AKAP13: variants seen among roughly 807,000 people sequenced by gnomAD.
AKAP13 encodes the protein A-kinase anchoring protein 13.
A neutral mutation model predicts 264.5 loss-of-function variants in AKAP13; 80 were observed. The observed-to-expected ratio is 0.30, with a 90% CI of 0.25 to 0.36. The LOEUF is 0.36. Ranked by LOEUF, AKAP13 falls within the 10% of genes least tolerant of loss-of-function variation. AKAP13 has a pLI of 1.00. For synonymous variants in AKAP13, 1,380 were observed against 1,250.2 expected (o/e 1.10, Z -2.19); for missense variants, 3,712 against 3,435.2 (o/e 1.08, Z -2.01).
chr15:85,715,793 C>G lies in AKAP13; in HGVS notation c.5605C>G (p.Gln1869Glu), dbSNP rs1321136262. ...TTAGTGTCCTCCTTTTGCAGCCTCA[C>G]AGCCCAAGGAGCGTCCTCGGTCCGC... ...PTVIMRNKPSQPKERPRSAVL... is the reference protein window; with the variant it reads ...PTVIMRNKPSEPKERPRSAVL... Residue 1869 changes from glutamine to glutamate, a missense_variant, in exon 20 of 37, where the codon CAG becomes GAG. By Grantham distance (29) the Gln-to-Glu change is conservative. Transcript: ENST00000394518. The G allele has an allele frequency of 6.2e-7, 1 of 1,609,162 alleles. No homozygotes were observed. Among genetic ancestry groups the G allele is most frequent in the East Asian group, 2.2e-5 (1 of 44,562 alleles).
At chr15:85,673,837 C>T (rs1441678584) in intron 14 of AKAP13, among the ~76,000 whole-genome samples, 2 of 144,788 alleles carry the variant, frequency 1.4e-5, no homozygotes, top group African/African-American at 5.2e-5. Flanking sequence ...AGGTGCCCGC[C>T]ACCACACCCG....
rs1352946509 is a variant in AKAP13 at position 85,645,841 on chromosome 15, G to C, written c.4261G>C (p.Gly1421Arg). ...SPECENFLDV[G>R]LGRECTSKQG... is the part of the protein sequence containing the mutation. ...AGAATGTGAGAACTTCCTGGATGTT[G>C]GACTGGGCAGAGAGTGTACCTCAAA... Residue 1421 changes from glycine to arginine, a missense_variant, in exon 10 of 37, where the codon GGA becomes CGA. Physicochemically the swap from Gly to Arg is moderately radical, Grantham distance 125 (BLOSUM62 -2). This residue lies in a region of AKAP13 where 2,759 missense variants were observed against 2,411.7 expected (regional missense o/e 1.14). Transcript: ENST00000394518. 2 of 1,599,872 alleles carry C rather than the reference G, an allele frequency of 1.3e-6. No individual in the cohort carries two copies. Among genetic ancestry groups the C allele is most frequent in the Non-Finnish European group, 8.5e-7 (1 of 1,172,540 alleles).
At chr15:85,686,027 T>C (rs2084891201) in intron 16 of AKAP13, among the ~76,000 whole-genome samples, 1 of 152,148 alleles carries the variant, frequency 6.6e-6, no homozygotes, top group South Asian at 2.1e-4. Context: ...TTCAAGTCCG[T>C]GGGGAAAAAC....
intron 8 of AKAP13, among the ~76,000 whole-genome samples, chr15:85,631,498 TCTCTCACACACACACACA>T (rs1159281262): frequency 6.0e-5 from 4 of 66,586 alleles, no homozygotes; most frequent in African/African-American, 1.9e-4. Flanking sequence ...TCTCTCTCTC[TCTCTCACACACACACACA>T]CACACACACA....
At chr15:85,554,214 C>T (rs1177212919) in intron 5 of AKAP13, among the ~76,000 whole-genome samples, 1 of 152,100 alleles carries the variant, frequency 6.6e-6, no homozygotes, top group Non-Finnish European at 1.5e-5. Flanking sequence ...TTTAACATCT[C>T]TTATAGGCCT....
intron 1 of AKAP13, among the ~76,000 whole-genome samples, chr15:85,468,988 C>T (rs201564006): frequency 8.0e-6 from 1 of 125,496 alleles, no homozygotes; most frequent in South Asian, 2.4e-4. Flanking sequence ...GATCTCAGCT[C>T]ACTGCAGCCT....
At position 85,491,517 on chromosome 15, in the gene AKAP13, T is replaced by TATATTATATATTAC. The variant is rs1367550670; in HGVS notation, c.33+5768_33+5769insTATATATTACATAT. Among the ~76,000 whole-genome samples the TATATTATATATTAC allele has an allele frequency of 3.4e-5, 3 of 87,180 alleles. No individual in the cohort carries two copies. The East Asian group carries it at 6.6e-4, about 19-fold the overall frequency. 57.2% of individuals were successfully genotyped at this position (87,180 alleles called of 152,430 possible). A position where few individuals can be genotyped will look rare whatever the true frequency, so the allele number is the denominator to read the frequency against. On this transcript the variant is annotated intron_variant, in intron 2 of 36. Coordinates refer to ENST00000394518, the MANE Select transcript of AKAP13 (RefSeq NM_007200.5). ...TATATTTATTATATATTATATATTATATATATTATATATTTTATATATAAT... is the reference window on the plus strand; with the variant it reads ...TATATTTATTATATATTATATATTATATATTATATATTACATATATTATATATTTTATATATAAT...
intron 8 of AKAP13, among the ~76,000 whole-genome samples, chr15:85,598,188 C>T (rs1489530997): frequency 6.6e-6 from 1 of 152,106 alleles, no homozygotes; most frequent in African/African-American, 2.4e-5. Flanking sequence ...GGTTTGGACT[C>T]CCCCTGCCAT....
At chr15:85,380,911 G>T (rs2083383795) in intron 1 of AKAP13, 113 bp downstream of exon 1, 1 of 152,186 alleles carries the variant, frequency 6.6e-6, no homozygotes, top group African/African-American at 2.4e-5. Context: ...CCCGGAGGAG[G>T]GGCGGGGGCT....
At chr15:85,707,560 A>G (rs2086368037) in intron 17 of AKAP13, among the ~76,000 whole-genome samples, 1 of 152,194 alleles carries the variant, frequency 6.6e-6, no homozygotes, top group Admixed American at 6.5e-5. Context: ...GGCTTTATTA[A>G]TGTATTTATT....
intron 4 of AKAP13, among the ~76,000 whole-genome samples, chr15:85,542,969 G>A (rs1393031758): frequency 6.6e-6 from 1 of 152,130 alleles, no homozygotes; most frequent in East Asian, 1.9e-4. Context: ...AATCACGCTT[G>A]GTCACACAGA....
chr15:85,558,895 T>C (rs148383617), intron 5 of AKAP13, among the ~76,000 whole-genome samples: 42 of 152,260 alleles, frequency 2.8e-4, no homozygotes, highest in South Asian at 2.5e-3. Flanking sequence ...AGAAACTTTT[T>C]GACATTTTAA....
At chr15:85,386,117 G>A (rs1429509044) in intron 1 of AKAP13, among the ~76,000 whole-genome samples, 1 of 152,164 alleles carries the variant, frequency 6.6e-6, no homozygotes, top group Non-Finnish European at 1.5e-5. Context: ...GAGCCACTGT[G>A]TCTGGCCTTC....
chr15:85,437,906 C>G (rs1272195547), intron 1 of AKAP13, among the ~76,000 whole-genome samples: 1 of 149,746 alleles, frequency 6.7e-6, no homozygotes, highest in Non-Finnish European at 1.5e-5. Flanking sequence ...AAAACTGGCA[C>G]AAGACAGGGA....
chr15:85,523,809 G>T (rs918384027), intron 3 of AKAP13, among the ~76,000 whole-genome samples: 2 of 79,810 alleles, frequency 2.5e-5, no homozygotes, highest in African/African-American at 4.9e-5. Context: ...CCCCCTCCCC[G>T]CCCCCCTTTT....
At chr15:85,578,009 CAG>C (rs1180749004) in intron 6 of AKAP13, 1 of 188,934 alleles carries the variant, frequency 5.3e-6, no homozygotes, top group African/African-American at 2.4e-5. Context: ...AGGTGGGACA[CAG>C]TGGTGTAGGC....
At chr15:85,601,893 CAA>C (rs974099312) in intron 8 of AKAP13, among the ~76,000 whole-genome samples, 3 of 151,536 alleles carry the variant, frequency 2.0e-5, no homozygotes, top group African/African-American at 7.3e-5. Context: ...ATTTTTTCTA[CAA>C]AAAATTACTT....
intron 5 of AKAP13, among the ~76,000 whole-genome samples, chr15:85,547,383 G>A (rs1596490804): frequency 6.7e-6 from 1 of 148,486 alleles, no homozygotes; most frequent in Non-Finnish European, 1.5e-5. Flanking sequence ...CTTTGTTCAA[G>A]GCTTATTTTG....
intron 35 of AKAP13, among the ~76,000 whole-genome samples, chr15:85,742,822 C>G (rs2089134427): frequency 6.6e-6 from 1 of 152,116 alleles, no homozygotes; most frequent in African/African-American, 2.4e-5. Context: ...GAAAATTATA[C>G]TGACAGCTTC....
Sources: allele counts gnomAD v4.1 joint callset (sites outside exome capture counted in the v4.1 genomes callset), GRCh38; gene constraint gnomAD v4.1.1; regional missense constraint gnomAD v4.1.1; transcripts MANE v1.5; gene names NCBI Gene and HGNC (gene_info 2026-07-23, HGNC 2026-07-21).